Variants in CAPZA1 observed in about 807,000 individuals in gnomAD.
CAPZA1 encodes the protein F-actin-capping protein subunit alpha-1.
In CAPZA1, 10 loss-of-function variants were observed where a neutral mutation model predicts 40.8. That is an observed-to-expected ratio of 0.25 (90% confidence interval 0.15 to 0.42). CAPZA1 has a LOEUF of 0.42. Among genes scored for constraint, CAPZA1 ranks in the 10% least tolerant of loss-of-function variants. The pLI is 1.00. For missense variants in CAPZA1, 277 were observed against 353.8 expected (o/e 0.78, Z 1.74); for synonymous variants, 98 against 115.0 (o/e 0.85, Z 0.95).
intron 7 of CAPZA1, among the ~76,000 whole-genome samples, chr1:112,660,253 A>T (rs902670307): frequency 7.9e-5 from 12 of 151,680 alleles, no homozygotes; most frequent in East Asian, 2.0e-4. Context: ...AAGCAGAAGT[A>T]GATTGATTGA....
At chr1:112,627,275 A>G (rs992551403) in intron 1 of CAPZA1, among the ~76,000 whole-genome samples, 3 of 152,184 alleles carry the variant, frequency 2.0e-5, no homozygotes, top group Admixed American at 2.0e-4. Context: ...ACAGCAACCA[A>G]GTTAATCATG....
At chr1:112,663,532 C>T (rs1671661135) in intron 7 of CAPZA1, among the ~76,000 whole-genome samples, 1 of 151,676 alleles carries the variant, frequency 6.6e-6, no homozygotes, top group African/African-American at 2.4e-5. Flanking sequence ...ATTCCAGTCT[C>T]TCTCTGTCAC....
chr1:112,647,863 G>C (rs1465294994), intron 2 of CAPZA1, among the ~76,000 whole-genome samples: 2 of 152,154 alleles, frequency 1.3e-5, no homozygotes, highest in African/African-American at 4.8e-5. Flanking sequence ...ACTATCTGCT[G>C]TCTTAATACA....
At chr1:112,646,679 T>G (rs1671286659) in intron 1 of CAPZA1, 1 of 152,168 alleles carries the variant, frequency 6.6e-6, no homozygotes, top group Non-Finnish European at 1.5e-5. Flanking sequence ...AGGTGTTTAT[T>G]TTATATCTAC....
At chr1:112,664,010 G>A (rs1287973232) in intron 7 of CAPZA1, among the ~76,000 whole-genome samples, 1 of 152,026 alleles carries the variant, frequency 6.6e-6, no homozygotes, top group Non-Finnish European at 1.5e-5. Context: ...AAAGCAGGGG[G>A]ATCATGAGGT....
intron 1 of CAPZA1, among the ~76,000 whole-genome samples, chr1:112,631,375 A>C (rs1670913453): frequency 6.6e-6 from 1 of 152,232 alleles, no homozygotes; most frequent in Non-Finnish European, 1.5e-5. Flanking sequence ...AGTCTGTCTC[A>C]TGTTACCTCA....
chr1:112,671,368 C>A lies in CAPZA1; in HGVS notation c.*1236C>A, dbSNP rs1346873063. The A allele has an allele frequency of 6.6e-6, 1 of 152,542 alleles. No homozygotes were observed. The highest frequency in any genetic ancestry group is 1.5e-5 in the Non-Finnish European group (1 of 68,014). 9.4% of individuals were successfully genotyped at this position (152,542 alleles called of 1,614,324 possible). On this transcript the variant is annotated 3_prime_UTR_variant, in exon 10 of 10. Coordinates refer to ENST00000263168, the MANE Select transcript of CAPZA1 (RefSeq NM_006135.3). ...AAGGGAAGGTCAGTTTTTTAAAAAA[C>A]CAAGTAGTGTCTTCCTACCTATCTC...
intron 1 of CAPZA1, among the ~76,000 whole-genome samples, chr1:112,626,587 T>C (rs1375938057): frequency 6.6e-6 from 1 of 152,224 alleles, no homozygotes; most frequent in African/African-American, 2.4e-5. Context: ...AGACACACTT[T>C]TCACTTAATA....
At chr1:112,646,589 T>G (rs1228251235) in intron 1 of CAPZA1, among the ~76,000 whole-genome samples, 1 of 152,146 alleles carries the variant, frequency 6.6e-6, no homozygotes, top group Non-Finnish European at 1.5e-5. Flanking sequence ...ATAAATAAAT[T>G]AATAAAGTTA....
At chr1:112,669,331 T>C (rs1557739710) in intron 8 of CAPZA1, among the ~76,000 whole-genome samples, 1 of 152,224 alleles carries the variant, frequency 6.6e-6, no homozygotes, top group African/African-American at 2.4e-5. Flanking sequence ...AAGAGGATTC[T>C]GTTTTCTCAT....
At chr1:112,633,394 TC>T (rs1464522083) in intron 1 of CAPZA1, among the ~76,000 whole-genome samples, 4 of 152,212 alleles carry the variant, frequency 2.6e-5, no homozygotes, top group African/African-American at 4.8e-5. Flanking sequence ...TTCAGGTCCA[TC>T]CTTGTTGTTG....
intron 9 of CAPZA1, 90 bp downstream of exon 9, chr1:112,669,695 A>G (rs572251408): frequency 4.2e-6 from 4 of 952,498 alleles, no homozygotes; most frequent in Non-Finnish European, 6.6e-6. Context: ...CCTTTAATGT[A>G]AATATACATG....
chr1:112,657,908 T>C (rs1671530596), intron 5 of CAPZA1, among the ~76,000 whole-genome samples: 1 of 152,180 alleles, frequency 6.6e-6, no homozygotes, highest in African/African-American at 2.4e-5. Context: ...TTATTCTTAC[T>C]CTATACTAAG....
At chr1:112,666,917 C>G in intron 7 of CAPZA1, 157 bp from the exon 8 acceptor site, 1 of 562,326 alleles carries the variant, frequency 1.8e-6, no homozygotes. Flanking sequence ...ATTAATTAAC[C>G]ACCATTGTGA....
At chr1:112,631,521 T>C (rs114679104) in intron 1 of CAPZA1, among the ~76,000 whole-genome samples, 1,610 of 152,154 alleles carry the variant, frequency 0.011, 35 homozygotes, top group African/African-American at 0.036. Flanking sequence ...AAAAAAAAAA[T>C]TGGTAAAAAG....
chr1:112,647,297 T>C, intron 2 of CAPZA1, 24 bp downstream of exon 2: 1 of 1,280,794 alleles, frequency 7.8e-7, no homozygotes, highest in Middle Eastern at 2.0e-4. Flanking sequence ...AGTATTTTAA[T>C]CCCTCCTTAA....
intron 1 of CAPZA1, among the ~76,000 whole-genome samples, chr1:112,635,770 G>A (rs747169201): frequency 6.6e-6 from 1 of 152,124 alleles, no homozygotes; most frequent in Non-Finnish European, 1.5e-5. Context: ...AGTGGCTCAC[G>A]CCTGTAATCC....
chr1:112,666,645 T>G (rs1671729579), intron 7 of CAPZA1, among the ~76,000 whole-genome samples: 1 of 152,214 alleles, frequency 6.6e-6, no homozygotes, highest in African/African-American at 2.4e-5. Context: ...TTACCAACAT[T>G]GATGATAATG....
intron 8 of CAPZA1, among the ~76,000 whole-genome samples, chr1:112,669,054 T>C (rs1207594802): frequency 6.6e-6 from 1 of 152,208 alleles, no homozygotes; most frequent in Non-Finnish European, 1.5e-5. Flanking sequence ...TTGAACCACG[T>C]GGTACAAAAT....
Sources: allele counts gnomAD v4.1 joint callset (sites outside exome capture counted in the v4.1 genomes callset), GRCh38; gene constraint gnomAD v4.1.1; transcripts MANE v1.5; gene names NCBI Gene and HGNC (gene_info 2026-07-23, HGNC 2026-07-21).